TRIM66: variants seen among roughly 807,000 people sequenced by gnomAD.
TRIM66 encodes tripartite motif containing 66.
Under a neutral mutation model 148.2 loss-of-function variants are expected in TRIM66, and 99 were observed. That is an observed-to-expected ratio of 0.67 (90% CI 0.57 to 0.79). The LOEUF (loss-of-function observed/expected upper bound fraction) is 0.79, where lower values mean the gene tolerates loss of function less well. TRIM66 is among the 30% of genes least tolerant of loss of function. The pLI, the probability that TRIM66 is intolerant of heterozygous loss-of-function variation, is 0.00. For missense variants in TRIM66, 1,666 were observed against 1,697.9 expected, an observed-to-expected ratio of 0.98 and a Z score of 0.33; for synonymous variants, 616 against 635.9, an observed-to-expected ratio of 0.97 and a Z score of 0.47.
chr11:8,656,121 G>A (rs569426441), intron 6 of TRIM66, among the ~76,000 whole-genome samples: 2 of 152,278 alleles, frequency 1.3e-5, no homozygotes, highest in South Asian at 4.1e-4. Context: ...ACCCCATCAA[G>A]CTGTGTCAAC....
In TRIM66 at chr11:8,615,582, A is replaced by AAAACC. The variant is rs2033670220; in HGVS notation, c.*2357_*2361dup. 1 of 152,132 alleles carries AAAACC rather than the reference A, an allele frequency of 6.6e-6. No homozygotes were observed. Among genetic ancestry groups the AAAACC allele is most frequent in the Non-Finnish European group, 1.5e-5 (1 of 68,028 alleles). The allele number at this position is 152,132 out of a possible 1,614,324, so 9.4% of individuals were successfully genotyped here. A position where few individuals can be genotyped will look rare whatever the true frequency, so the allele number is the denominator to read the frequency against. ...TGGTTTTTGCATGCAAAAACAAAAC[A>AAAACC]AAACCATGATTCAAAACACTGGTGG... is the stretch of plus-strand genomic sequence containing the variant. On this transcript the variant is annotated 3_prime_UTR_variant, in exon 25 of 25. Coordinates refer to ENST00000646038, the MANE Select transcript of TRIM66 (RefSeq NM_001388022.1).
intron 12 of TRIM66, 124 bp downstream of exon 12, chr11:8,645,617 G>C (rs1173429145): frequency 1.7e-6 from 2 of 1,146,836 alleles, no homozygotes; most frequent in African/African-American, 1.6e-5. Context: ...GAGCTGCTAT[G>C]TTATTCCTCC....
At chr11:8,620,885 C>T (rs1374194023) in intron 20 of TRIM66, 147 bp downstream of exon 20, 6 of 1,097,018 alleles carry the variant, frequency 5.5e-6, no homozygotes, top group African/African-American at 1.6e-5. Context: ...GATACCCAGG[C>T]CCATTAACTC....
At chr11:8,619,361 A>G in intron 23 of TRIM66, 22 bp downstream of exon 23, 2 of 1,468,472 alleles carry the variant, frequency 1.4e-6, no homozygotes, top group South Asian at 2.8e-5. Context: ...AATAGGAGAG[A>G]GGGAAAACAG....
intron 24 of TRIM66, 93 bp downstream of exon 24, chr11:8,618,657 C>G: frequency 3.3e-6 from 4 of 1,217,770 alleles, no homozygotes; most frequent in Non-Finnish European, 4.6e-6. Flanking sequence ...TCTTTTTGCA[C>G]CACCCGAACA....
In TRIM66 at chr11:8,619,215, G is replaced by T. The variant is rs547908047; in HGVS notation, c.3900+168C>A. 7 of 837,766 alleles carry T rather than the reference G, an allele frequency of 8.4e-6. No individual in the cohort carries two copies. In the Admixed American group the frequency reaches 1.8e-4, roughly 21 times the overall value. 51.9% of individuals were successfully genotyped at this position (837,766 alleles called of 1,614,324 possible). On this transcript the variant is annotated intron_variant, in intron 23 of 24. Coordinates refer to ENST00000646038, the MANE Select transcript of TRIM66 (RefSeq NM_001388022.1). The stretch of plus-strand genomic sequence containing the variant: ...CCCTTTTTCCTGAGTCCATGCTAAG[G>T]CCTGAGTGTGGGAGAGAGCTTTTAA...
intron 24 of TRIM66, 123 bp from the exon 25 acceptor site, chr11:8,618,126 G>T: frequency 2.1e-6 from 2 of 963,348 alleles, no homozygotes; most frequent in Non-Finnish European, 3.1e-6. Context: ...TAGGAATGCA[G>T]CAGTAAAACT....
chr11:8,653,296 A>G (rs1484308562), intron 6 of TRIM66, among the ~76,000 whole-genome samples: 2 of 152,230 alleles, frequency 1.3e-5, no homozygotes, highest in Non-Finnish European at 2.9e-5. Context: ...CTTTGAATCT[A>G]AGCTCACCTT....
At chr11:8,659,970 T>C (rs2038137426) in intron 6 of TRIM66, among the ~76,000 whole-genome samples, 1 of 152,150 alleles carries the variant, frequency 6.6e-6, no homozygotes, top group Non-Finnish European at 1.5e-5. Context: ...CTCAACCTCC[T>C]GGGCTCAAGT....
chr11:8,631,461 A>C (rs1162377604), intron 15 of TRIM66, among the ~76,000 whole-genome samples: 1 of 152,236 alleles, frequency 6.6e-6, no homozygotes, highest in African/African-American at 2.4e-5. Flanking sequence ...AAAACACTTT[A>C]CACACTCTTC....
intron 15 of TRIM66, among the ~76,000 whole-genome samples, chr11:8,626,095 G>C (rs1433981113): frequency 3.9e-5 from 6 of 152,152 alleles, no homozygotes; most frequent in Non-Finnish European, 4.4e-5. Context: ...TTTATAAAAA[G>C]AAGTTGAAGA....
rs761997904 is a variant in TRIM66 at position 8,640,763 on chromosome 11, C to CG, written c.1611dup (p.Val538ArgfsTer99). 1.6e-5 allele frequency: 25 copies of CG among 1,551,306 alleles called. No individual in the cohort carries two copies. The African/African-American group carries it at 2.2e-4, about 14-fold the overall frequency. ...CGCTGGGATGTGCTCTCCTGCTCCA[C>CG]GGGGGGCTGGGTTTCCAGCCAGGGC... On this transcript the variant is annotated frameshift_variant, in exon 14 of 25. Transcript: ENST00000646038. LOFTEE classifies it high-confidence loss of function.
At chr11:8,634,677 T>A (rs1205524010) in intron 15 of TRIM66, among the ~76,000 whole-genome samples, 1 of 152,150 alleles carries the variant, frequency 6.6e-6, no homozygotes, top group Admixed American at 6.6e-5. Context: ...CAAAATTCAT[T>A]CAAAAGGGGT....
intron 6 of TRIM66, among the ~76,000 whole-genome samples, chr11:8,661,530 G>A (rs2038254813): frequency 6.6e-6 from 1 of 152,160 alleles, no homozygotes; most frequent in South Asian, 2.1e-4. Flanking sequence ...TTTTCCAGCT[G>A]GGCCTGGAGA....
chr11:8,669,865 T>C (rs1184486332), intron 6 of TRIM66, among the ~76,000 whole-genome samples: 1 of 152,090 alleles, frequency 6.6e-6, no homozygotes, highest in African/African-American at 2.4e-5. Context: ...TTCTTTTAAG[T>C]TTTATTTTAG....
At chr11:8,649,638 C>A (rs2037177339) in intron 8 of TRIM66, 102 bp downstream of exon 8, 2 of 1,441,574 alleles carry the variant, frequency 1.4e-6, no homozygotes, top group Non-Finnish European at 1.9e-6. Flanking sequence ...CCTACCTTCT[C>A]CCCCAGCAAG....
rs748632181 is a variant in TRIM66 at position 8,672,283 on chromosome 11, T to C, written c.-9A>G. On this transcript the variant is annotated 5_prime_UTR_variant, in exon 5 of 25. Coordinates refer to ENST00000646038, the MANE Select transcript of TRIM66 (RefSeq NM_001388022.1). ...AAAGAGAGTCTAGCCATCTCTGCCGTGGAAAACAAAGCGTGGAGGTGTCTG... is the reference window on the plus strand; with the variant it reads ...AAAGAGAGTCTAGCCATCTCTGCCGCGGAAAACAAAGCGTGGAGGTGTCTG... The C allele has an allele frequency of 1.3e-4, 203 of 1,536,134 alleles. No individual in the cohort carries two copies. The Middle Eastern group carries it at 2.0e-3, about 15-fold the overall frequency.
chr11:8,682,306 G>A (rs1474107329), intron 1 of TRIM66: 2 of 157,322 alleles, frequency 1.3e-5, no homozygotes, highest in African/African-American at 4.8e-5. Context: ...GGCACACTGA[G>A]GATTAAAGAG....
In TRIM66 at chr11:8,627,282, T is replaced by C. The variant is rs550897630; in HGVS notation, c.2311-2054A>G. Among the ~76,000 whole-genome samples, 5 of 152,350 alleles carry C rather than the reference T, an allele frequency of 3.3e-5. No individual in the cohort carries two copies. In the East Asian group the frequency reaches 9.6e-4, roughly 29 times the overall value. ...ATTCAAAACAACACTAATACAGGACTGTTTATTCTACAAATCTTTAGCCAA... is the reference window on the plus strand; with the variant it reads ...ATTCAAAACAACACTAATACAGGACCGTTTATTCTACAAATCTTTAGCCAA... On this transcript the variant is annotated intron_variant, in intron 15 of 24. Transcript: ENST00000646038.
Sources: allele counts gnomAD v4.1 joint callset (sites outside exome capture counted in the v4.1 genomes callset), GRCh38; gene constraint gnomAD v4.1.1; transcripts MANE v1.5; gene names NCBI Gene and HGNC (gene_info 2026-07-23, HGNC 2026-07-21).